The following COL10A1 variants were observed in gnomAD, a reference collection of about 807,000 sequenced individuals.
The protein encoded by COL10A1 is collagen alpha-1(X) chain.
Under a neutral mutation model 18.2 loss-of-function variants are expected in COL10A1, and 10 were observed. The ratio of observed to expected loss-of-function variants is 0.55; its 90% confidence interval spans 0.34 to 0.93. The LOEUF is 0.93. Among genes scored for constraint, COL10A1 ranks in the 40% least tolerant of loss-of-function variants. The pLI is 0.02. For synonymous variants in COL10A1, 330 were observed against 316.6 expected (o/e 1.04, Z -0.45); for missense variants, 897 against 853.5 (o/e 1.05, Z -0.64).
chr6:116,144,784 T>C (rs1305976707), intron 1 of COL10A1, among the ~76,000 whole-genome samples: 1 of 152,116 alleles, frequency 6.6e-6, no homozygotes, highest in Non-Finnish European at 1.5e-5. Context: ...CCAATGGTAT[T>C]TGTCCCTGAC....
At chr6:116,201,415 T>A in the COL10A1 span, among the ~76,000 whole-genome samples, 4 of 151,982 alleles carry the variant, frequency 2.6e-5, no homozygotes, top group Non-Finnish European at 4.4e-5. Context: ...TTAGAATCAC[T>A]CCAGTATATA....
At chr6:116,150,263 A>G (rs919783404) in intron 1 of COL10A1, among the ~76,000 whole-genome samples, 2 of 151,126 alleles carry the variant, frequency 1.3e-5, no homozygotes, top group Non-Finnish European at 3.0e-5. Context: ...AGTTAAGAAA[A>G]TGGTTTTTTT....
chr6:116,208,262 C>T, the COL10A1 span, among the ~76,000 whole-genome samples: 4 of 151,950 alleles, frequency 2.6e-5, no homozygotes. Context: ...CATTTTAGTT[C>T]TCCTAATTTT....
chr6:116,150,033 A>G (rs918899815), intron 1 of COL10A1, among the ~76,000 whole-genome samples: 2 of 152,164 alleles, frequency 1.3e-5, no homozygotes, highest in Middle Eastern at 3.2e-3. Context: ...AGCTGAGAGA[A>G]GGCTTGTGGG....
the COL10A1 span, among the ~76,000 whole-genome samples, chr6:116,195,284 C>A: frequency 1.3e-5 from 2 of 152,038 alleles, no homozygotes; most frequent in South Asian, 2.1e-4. Context: ...TTTTATATCA[C>A]AATTTCGCTA....
intron 1 of COL10A1, among the ~76,000 whole-genome samples, chr6:116,147,407 A>G (rs1779925131): frequency 1.3e-5 from 2 of 151,962 alleles, no homozygotes; most frequent in Non-Finnish European, 2.9e-5. Context: ...CTGCCATTGC[A>G]CTCCAACCTG....
the COL10A1 span, among the ~76,000 whole-genome samples, chr6:116,209,734 A>G: frequency 6.6e-6 from 1 of 151,948 alleles, no homozygotes; most frequent in Non-Finnish European, 1.5e-5. Context: ...GTTTCCAGAT[A>G]ATAGCAGAGA....
the COL10A1 span, among the ~76,000 whole-genome samples, chr6:116,179,040 G>T: frequency 3.6e-4 from 55 of 152,192 alleles, 2 homozygotes; most frequent in African/African-American, 1.3e-3. Context: ...AATAGTCAAA[G>T]TAAGTTTGTA....
At chr6:116,138,833 A>G (rs530650751) in intron 1 of COL10A1, among the ~76,000 whole-genome samples, 2 of 152,238 alleles carry the variant, frequency 1.3e-5, no homozygotes, top group Admixed American at 1.3e-4. Context: ...TACAACTATG[A>G]TATTGAGAGA....
At chr6:116,190,947 A>C in the COL10A1 span, among the ~76,000 whole-genome samples, 1 of 151,992 alleles carries the variant, frequency 6.6e-6, no homozygotes, top group East Asian at 1.9e-4. Flanking sequence ...CTGGTATTCC[A>C]GAACTGGAAA....
upstream of COL10A1, among the ~76,000 whole-genome samples, chr6:116,130,813 T>A (rs1225345355): frequency 1.3e-5 from 2 of 152,152 alleles, no homozygotes; most frequent in East Asian, 3.8e-4. Flanking sequence ...TAGTTATTCA[T>A]TTGTTTATTC....
chr6:116,133,133 A>G (rs1779509877), intron 1 of COL10A1, among the ~76,000 whole-genome samples: 1 of 152,220 alleles, frequency 6.6e-6, no homozygotes, highest in Non-Finnish European at 1.5e-5. Context: ...TGAAGAGCTC[A>G]TAGTTTCGTG....
In COL10A1 at chr6:116,120,729, G is replaced by A. The variant is rs1284288939; in HGVS notation, c.1387C>T (p.Pro463Ser). ...CTTCCTGGATCCCCTTTAGACCCAG[G>A]GAATCCTGGAATGCCTGGTGGCCCA... ...PIGPPGIPGF[P>S]GSKGDPGSPG... is the part of the protein sequence containing the mutation. The change falls in exon 3 of 3, where the codon CCT (proline) becomes TCT (serine). Residue 463 changes from proline to serine, a missense_variant. Pro to Ser is a moderately conservative substitution (Grantham distance 74, BLOSUM62 -1). Transcript: ENST00000651968. 1 of 1,587,268 alleles carries A rather than the reference G, an allele frequency of 6.3e-7. No individual in the cohort carries two copies. The highest frequency in any genetic ancestry group is 1.8e-5 in the Admixed American group (1 of 54,906).
At position 116,136,210 on chromosome 6, in the gene COL10A1, T is replaced by G. The variant is rs75310065; in HGVS notation, c.-15-10703A>C. Among the ~76,000 whole-genome samples the G allele has an allele frequency of 2.3e-3, 345 of 152,266 alleles. 2 individuals are homozygous for G. Among genetic ancestry groups the G allele is most frequent in the African/African-American group, 8.2e-3 (340 of 41,560 alleles). On this transcript the variant is annotated intron_variant, in intron 1 of 1. Coordinates refer to the COL10A1 transcript ENST00000418500. The stretch of plus-strand genomic sequence containing the variant: ...AGTATTTGTCCTTCTGTGTCTGGTG[T>G]ATTTCACTTAGCATATTGTGTTCTA...
the COL10A1 span, among the ~76,000 whole-genome samples, chr6:116,189,395 C>T: frequency 2.0e-4 from 30 of 151,850 alleles, no homozygotes; most frequent in East Asian, 4.5e-3. Flanking sequence ...TTTTTGTCTT[C>T]GTAGTCTTGA....
rs1407300671 is a variant in COL10A1 at position 116,120,580 on chromosome 6, A to T, written c.1536T>A (p.Pro512=). 3 of 1,598,984 alleles carry T rather than the reference A, an allele frequency of 1.9e-6. No individual in the cohort carries two copies. The highest frequency in any genetic ancestry group is 1.7e-6 in the Non-Finnish European group (2 of 1,173,808). The part of the protein sequence containing the change: ...GEPGLPGPPG[P]PGPPGQAVMP... ...TGACTGCTTGACCTGGTGGGCCTGGAGGCCCAGGGGGCCCTGGAAGACCAG... is the reference window on the plus strand; with the variant it reads ...TGACTGCTTGACCTGGTGGGCCTGGTGGCCCAGGGGGCCCTGGAAGACCAG... Residue 512 remains proline (P), a synonymous_variant, in exon 3 of 3, where the codon CCT becomes CCA. Transcript: ENST00000651968.
At chr6:116,165,389 A>T in the COL10A1 span, among the ~76,000 whole-genome samples, 2 of 152,214 alleles carry the variant, frequency 1.3e-5, no homozygotes, top group African/African-American at 4.8e-5. Context: ...CTCTAACAAG[A>T]TCAGGGAAAT....
chr6:116,163,877 G>T, the COL10A1 span, among the ~76,000 whole-genome samples: 1 of 152,064 alleles, frequency 6.6e-6, no homozygotes, highest in Non-Finnish European at 1.5e-5. Context: ...AGAGCAAGTT[G>T]TTTGGTTTCC....
chr6:116,203,818 C>CA, the COL10A1 span, among the ~76,000 whole-genome samples: 1 of 151,902 alleles, frequency 6.6e-6, no homozygotes, highest in African/African-American at 2.4e-5. Flanking sequence ...AAAGTACTTG[C>CA]ACAGTGTGAG....
Sources: allele counts gnomAD v4.1 joint callset (sites outside exome capture counted in the v4.1 genomes callset), GRCh38; gene constraint gnomAD v4.1.1; transcripts MANE v1.5; gene names NCBI Gene and HGNC (gene_info 2026-07-23, HGNC 2026-07-21).